Variants in FMNL2 observed in about 807,000 individuals in gnomAD.
The protein encoded by FMNL2 is formin-like protein 2.
Under a neutral mutation model 130.2 loss-of-function variants are expected in FMNL2, and 51 were observed. The ratio of observed to expected loss-of-function variants is 0.39; its 90% CI spans 0.31 to 0.49. The LOEUF is 0.49. FMNL2 is among the 20% of genes least tolerant of loss of function. FMNL2 has a pLI of 0.85. For missense variants in FMNL2, 977 were observed against 1,316.2 expected, an observed-to-expected ratio of 0.74 and a Z score of 3.99; for synonymous variants, 465 against 467.1, an observed-to-expected ratio of 1.00 and a Z score of 0.06.
chr2:152,576,480 G>T (rs966861183), intron 7 of FMNL2, among the ~76,000 whole-genome samples: 4 of 152,082 alleles, frequency 2.6e-5, no homozygotes, highest in African/African-American at 9.7e-5. Context: ...CATGTAAATA[G>T]CCCTGTGAGA....
chr2:152,511,362 T>G (rs946508439), intron 1 of FMNL2, among the ~76,000 whole-genome samples: 1 of 152,192 alleles, frequency 6.6e-6, no homozygotes, highest in African/African-American at 2.4e-5. Flanking sequence ...TAAGGAAAAT[T>G]CACAGGTTCC....
chr2:152,385,036 C>T lies in FMNL2; in HGVS notation c.117+49316C>T, dbSNP rs150872350. On this transcript the variant is annotated intron_variant, in intron 1 of 25. Transcript: ENST00000288670. Reference sequence around the variant, plus strand: ...CCGAGGCCATGCTCCCTATCTTTGTCTAACTCCTTGGTGACTTTAGTAATG... The same window carrying T: ...CCGAGGCCATGCTCCCTATCTTTGTTTAACTCCTTGGTGACTTTAGTAATG... Among the ~76,000 whole-genome samples the T allele has an allele frequency of 6.6e-3, 999 of 152,304 alleles. 20 individuals are homozygous for T. Among genetic ancestry groups the T allele is most frequent in the African/African-American group, 0.023 (958 of 41,566 alleles).
chr2:152,418,590 A>G (rs1686741964), intron 1 of FMNL2, among the ~76,000 whole-genome samples: 1 of 152,146 alleles, frequency 6.6e-6, no homozygotes, highest in Non-Finnish European at 1.5e-5. Flanking sequence ...CACTTAGTAT[A>G]ATGTTGGTAA....
At chr2:152,546,341 G>A (rs544628907) in intron 3 of FMNL2, among the ~76,000 whole-genome samples, 3 of 152,084 alleles carry the variant, frequency 2.0e-5, no homozygotes, top group African/African-American at 7.2e-5. Flanking sequence ...CAATCATGGC[G>A]GAAGGCTAAG....
intron 1 of FMNL2, among the ~76,000 whole-genome samples, chr2:152,396,009 T>G (rs533491127): frequency 6.6e-6 from 1 of 152,360 alleles, no homozygotes; most frequent in African/African-American, 2.4e-5. Flanking sequence ...AAGTCCTTGC[T>G]TAAGTGTATT....
chr2:152,533,433 T>C (rs1208282685), intron 2 of FMNL2, among the ~76,000 whole-genome samples: 2 of 152,136 alleles, frequency 1.3e-5, no homozygotes, highest in African/African-American at 4.8e-5. Context: ...CATAAACGTG[T>C]GGGTCTATTT....
intron 1 of FMNL2, among the ~76,000 whole-genome samples, chr2:152,432,218 T>G (rs1053028684): frequency 1.3e-5 from 2 of 152,090 alleles, no homozygotes; most frequent in Non-Finnish European, 2.9e-5. Flanking sequence ...GCATTTCTTT[T>G]TTTTTTTAAC....
chr2:152,552,871 A>G (rs143963363), intron 4 of FMNL2, among the ~76,000 whole-genome samples: 2 of 152,362 alleles, frequency 1.3e-5, no homozygotes, highest in African/African-American at 4.8e-5. Flanking sequence ...GCTTTATTCT[A>G]TGGAACTGAT....
In FMNL2 at chr2:152,649,773, C is replaced by CT. The variant is rs1371612400; in HGVS notation, c.*1872dup. 6.6e-6 allele frequency: 1 copy of CT among 152,574 alleles called. No homozygotes were observed. Among genetic ancestry groups the CT allele is most frequent in the Non-Finnish European group, 1.5e-5 (1 of 68,026 alleles). The allele number at this position is 152,574 out of a possible 1,614,324, so 9.5% of individuals were successfully genotyped here. A position where few individuals can be genotyped will look rare whatever the true frequency, so the allele number is the denominator to read the frequency against. On this transcript the variant is annotated 3_prime_UTR_variant, in exon 26 of 26. Transcript: ENST00000288670. ...TGTTTTATAAAAGCAATTCATGTTA[C>CT]TTTTCTGGTCTTTTCATGGCATATG...
chr2:152,584,128 AT>A (rs908490705), intron 9 of FMNL2, among the ~76,000 whole-genome samples: 70 of 147,066 alleles, frequency 4.8e-4, no homozygotes, highest in Middle Eastern at 3.5e-3. Flanking sequence ...GCGTGAGTGA[AT>A]TTTTTTTTTT....
At chr2:152,357,651 G>A (rs1403380157) in intron 1 of FMNL2, among the ~76,000 whole-genome samples, 2 of 145,000 alleles carry the variant, frequency 1.4e-5, no homozygotes, top group Admixed American at 6.9e-5. Context: ...AATGTATAAC[G>A]ATAAATATTA....
intron 1 of FMNL2, among the ~76,000 whole-genome samples, chr2:152,490,036 A>C (rs1399357280): frequency 6.6e-6 from 1 of 152,240 alleles, no homozygotes; most frequent in Non-Finnish European, 1.5e-5. Context: ...GTATTAGCAA[A>C]GAAAATTTGT....
chr2:152,516,159 T>G (rs1692755443), intron 1 of FMNL2, among the ~76,000 whole-genome samples: 1 of 151,894 alleles, frequency 6.6e-6, no homozygotes, highest in Non-Finnish European at 1.5e-5. Context: ...ACATGGGGAG[T>G]TGTTGTTTGA....
intron 1 of FMNL2, among the ~76,000 whole-genome samples, chr2:152,416,838 A>G (rs1686643809): frequency 6.6e-6 from 1 of 152,222 alleles, no homozygotes; most frequent in African/African-American, 2.4e-5. Context: ...AAATACAACA[A>G]CATAACAAAC....
chr2:152,572,142 A>G (rs1231082822), intron 6 of FMNL2, among the ~76,000 whole-genome samples: 1 of 152,144 alleles, frequency 6.6e-6, no homozygotes, highest in Non-Finnish European at 1.5e-5. Flanking sequence ...AAATCTGCAA[A>G]TGTGCTTCAT....
intron 1 of FMNL2, among the ~76,000 whole-genome samples, chr2:152,441,563 G>A (rs13026560): frequency 2.7e-4 from 41 of 152,112 alleles, no homozygotes; most frequent in Admixed American, 7.2e-4. Context: ...GAGGCCAGGC[G>A]TGGTGGTTCA....
At chr2:152,349,580 T>C (rs942689512) in intron 1 of FMNL2, among the ~76,000 whole-genome samples, 2 of 152,236 alleles carry the variant, frequency 1.3e-5, no homozygotes, top group African/African-American at 4.8e-5. Context: ...TTTCATACAA[T>C]AGCTGCTTTG....
chr2:152,640,719 G>C (rs1683010325), intron 24 of FMNL2, 72 bp from the exon 25 acceptor site: 3 of 1,551,600 alleles, frequency 1.9e-6, no homozygotes, highest in African/African-American at 2.8e-5. Context: ...ATAATGCTCA[G>C]GCACATTTTG....
At chr2:152,538,639 AGGAGAG>A (rs1353097295) in intron 2 of FMNL2, among the ~76,000 whole-genome samples, 1 of 152,182 alleles carries the variant, frequency 6.6e-6, no homozygotes, top group African/African-American at 2.4e-5. Flanking sequence ...CCATGAAAGA[AGGAGAG>A]AGGGAGAGGG....
Sources: allele counts gnomAD v4.1 joint callset (sites outside exome capture counted in the v4.1 genomes callset), GRCh38; gene constraint gnomAD v4.1.1; transcripts MANE v1.5; gene names NCBI Gene and HGNC (gene_info 2026-07-23, HGNC 2026-07-21).